The following ITGB3BP variants were observed in gnomAD, a reference collection of about 807,000 sequenced individuals.
ITGB3BP encodes integrin subunit beta 3 binding protein.
A neutral mutation model predicts 29.1 loss-of-function variants in ITGB3BP; 27 were observed. The observed-to-expected ratio is 0.93, with a 90% CI of 0.68 to 1.28. The LOEUF (loss-of-function observed/expected upper bound fraction) is 1.28, where lower values mean the gene tolerates loss of function less well. Ranked by LOEUF, ITGB3BP falls within the 50% of genes most tolerant of loss-of-function variation. The pLI, the probability that ITGB3BP is intolerant of heterozygous loss-of-function variation, is 0.00. For synonymous variants in ITGB3BP, 61 were observed against 61.4 expected, an observed-to-expected ratio of 0.99 and a Z score of 0.03; for missense variants, 192 against 200.2, an observed-to-expected ratio of 0.96 and a Z score of 0.25.
intron 3 of ITGB3BP, among the ~76,000 whole-genome samples, chr1:63,486,306 T>C (rs1645528876): frequency 6.6e-6 from 1 of 152,006 alleles, no homozygotes; most frequent in African/African-American, 2.4e-5. Flanking sequence ...TTTTCTAAAA[T>C]GCATACAACT....
At chr1:63,509,460 C>T (rs191025732) in intron 1 of ITGB3BP, among the ~76,000 whole-genome samples, 1 of 151,954 alleles carries the variant, frequency 6.6e-6, no homozygotes, top group African/African-American at 2.4e-5. Context: ...GAGCATAAAG[C>T]AAAAAGATTG....
chr1:63,519,166 T>C (rs369817268), intron 1 of ITGB3BP, among the ~76,000 whole-genome samples: 6 of 152,250 alleles, frequency 3.9e-5, no homozygotes, highest in Admixed American at 1.3e-4. Context: ...AACAAACCCA[T>C]TGTAAATTGA....
intron 2 of ITGB3BP, among the ~76,000 whole-genome samples, chr1:63,502,824 C>T (rs61766998): frequency 0.19 from 28,597 of 151,952 alleles, 3,416 homozygotes; most frequent in Non-Finnish European, 0.27. Flanking sequence ...TCATCCATGT[C>T]CCTACAAAGG....
chr1:63,473,369 C>G (rs905755724), intron 4 of ITGB3BP, among the ~76,000 whole-genome samples: 1 of 144,974 alleles, frequency 6.9e-6, no homozygotes, highest in African/African-American at 2.5e-5. Context: ...CCCCGCCCGG[C>G]CAGCCGCCCC....
At chr1:63,516,347 C>T (rs1332211742) in intron 1 of ITGB3BP, among the ~76,000 whole-genome samples, 7 of 7,560 alleles carry the variant, frequency 9.3e-4, no homozygotes, top group East Asian at 6.3e-3. Flanking sequence ...GGAAGCGGAG[C>T]GGGGGAAGGT....
At chr1:63,514,018 A>G (rs1646257438) in intron 1 of ITGB3BP, among the ~76,000 whole-genome samples, 2 of 152,200 alleles carry the variant, frequency 1.3e-5, no homozygotes, top group South Asian at 4.1e-4. Flanking sequence ...TCATATGAGG[A>G]GGGTACCTCA....
chr1:63,486,687 T>C (rs888160110), intron 3 of ITGB3BP, among the ~76,000 whole-genome samples: 4 of 152,036 alleles, frequency 2.6e-5, no homozygotes, highest in Admixed American at 2.0e-4. Context: ...TGTCATGATT[T>C]TTCTCTGCTC....
intron 2 of ITGB3BP, among the ~76,000 whole-genome samples, chr1:63,490,600 A>G (rs1414632490): frequency 6.6e-6 from 1 of 152,142 alleles, no homozygotes; most frequent in Non-Finnish European, 1.5e-5. Context: ...GCCTATTACT[A>G]AGCCTCACAC....
chr1:63,473,822 C>T, intron 4 of ITGB3BP, among the ~76,000 whole-genome samples: 2 of 62,334 alleles, frequency 3.2e-5, no homozygotes, highest in Admixed American at 2.8e-4. Context: ...GCCCGGCCGG[C>T]CGCCCCGTCC....
intron 4 of ITGB3BP, among the ~76,000 whole-genome samples, chr1:63,470,999 T>A (rs1479440794): frequency 6.6e-6 from 1 of 152,190 alleles, no homozygotes; most frequent in Non-Finnish European, 1.5e-5. Context: ...TTAATTTGCA[T>A]TTTCCCAGAT....
At chr1:63,518,545 T>C (rs539843982) in intron 1 of ITGB3BP, among the ~76,000 whole-genome samples, 25 of 151,740 alleles carry the variant, frequency 1.6e-4, no homozygotes, top group African/African-American at 6.1e-4. Context: ...ATTTGGTTTC[T>C]CTCCTGTTAG....
chr1:63,519,814 T>C (rs949982779), intron 1 of ITGB3BP, among the ~76,000 whole-genome samples: 2 of 152,160 alleles, frequency 1.3e-5, no homozygotes, highest in Admixed American at 6.5e-5. Flanking sequence ...AATATGTTTA[T>C]ATTCATTTTC....
chr1:63,482,712 G>A (rs1419522892), intron 3 of ITGB3BP, among the ~76,000 whole-genome samples: 1 of 146,826 alleles, frequency 6.8e-6, no homozygotes, highest in Admixed American at 6.8e-5. Flanking sequence ...GGAAAGCAGT[G>A]GTGCGATCTC....
At position 63,446,851 on chromosome 1, in the gene ITGB3BP, G is replaced by A. The variant is rs759291872; in HGVS notation, c.490C>T (p.Arg164Cys). ...KSTGLPHKAS[R>C]HLDSYEFLKA... The stretch of plus-strand genomic sequence containing the variant: ...AGGAATTCATAGCTGTCAAGATGAC[G>A]TGATGCTATATGAAAGAAGAAAGGT... The change falls in exon 8 of 9, where the codon CGT becomes TGT. Residue 164 changes from arginine (R) to cysteine (C), a missense_variant. Transcript: ENST00000271002. The A allele has an allele frequency of 4.4e-6, 7 of 1,608,000 alleles. No individual in the cohort carries two copies. The highest frequency in any genetic ancestry group is 3.3e-5 in the Admixed American group (2 of 59,806).
chr1:63,488,489 G>T (rs565694860), intron 3 of ITGB3BP, among the ~76,000 whole-genome samples: 1 of 152,040 alleles, frequency 6.6e-6, no homozygotes, highest in African/African-American at 2.4e-5. Flanking sequence ...AGTGGGAGTT[G>T]TTAAGAGATT....
At chr1:63,482,807 C>G (rs2100644009) in intron 3 of ITGB3BP, among the ~76,000 whole-genome samples, 1 of 152,122 alleles carries the variant, frequency 6.6e-6, no homozygotes, top group South Asian at 2.1e-4. Context: ...GCGTGCACCA[C>G]CACGCCTGGC....
At chr1:63,524,833 T>C (rs187401654), upstream of ITGB3BP, among the ~76,000 whole-genome samples, 203 of 152,316 alleles carry the variant, frequency 1.3e-3, 1 homozygote, top group Middle Eastern at 0.02. Flanking sequence ...ACCGCTGTAA[T>C]AGGGATAAGA....
At chr1:63,509,124 C>G (rs1306308734) in intron 1 of ITGB3BP, among the ~76,000 whole-genome samples, 1 of 152,160 alleles carries the variant, frequency 6.6e-6, no homozygotes, top group Non-Finnish European at 1.5e-5. Context: ...AGTCCCCAAT[C>G]CATAAGAAAC....
intron 2 of ITGB3BP, among the ~76,000 whole-genome samples, chr1:63,493,452 A>G (rs188011058): frequency 0.01 from 1,459 of 145,362 alleles, 8 homozygotes; most frequent in Non-Finnish European, 0.015. Flanking sequence ...AAACAAACAA[A>G]CAAACCTGCT....
Sources: allele counts gnomAD v4.1 joint callset (sites outside exome capture counted in the v4.1 genomes callset), GRCh38; gene constraint gnomAD v4.1.1; transcripts MANE v1.5; gene names NCBI Gene and HGNC (gene_info 2026-07-23, HGNC 2026-07-21).